JKAMP: variants seen among roughly 807,000 people sequenced by gnomAD.
JKAMP encodes the protein JNK1/MAPK8 associated membrane protein.
JKAMP carries 20 observed loss-of-function variants against 40.2 expected under a neutral mutation model. The observed-to-expected ratio is 0.50, with a 90% CI of 0.35 to 0.72. The LOEUF (loss-of-function observed/expected upper bound fraction) is 0.72. Among genes scored for constraint, JKAMP ranks in the 30% least tolerant of loss-of-function variants. The pLI is 0.01. For missense variants in JKAMP, 276 were observed against 373.0 expected (o/e 0.74, Z 2.14); for synonymous variants, 138 against 131.6 (o/e 1.05, Z -0.33).
At chr14:59,487,977 A>T in intron 3 of JKAMP, 149 bp downstream of exon 3, 1 of 767,828 alleles carries the variant, frequency 1.3e-6, no homozygotes, top group South Asian at 1.8e-5. Context: ...CTGTGACAAG[A>T]AAACTTAACA....
intron 3 of JKAMP, among the ~76,000 whole-genome samples, chr14:59,494,121 G>GGTGTGTGTGTGTGTGT (rs55831018): frequency 1.3e-5 from 2 of 150,964 alleles, no homozygotes; most frequent in African/African-American, 4.9e-5. Flanking sequence ...AGAAAATTTG[G>GGTGTGTGTGTGTGTGT]GTGTGTGTGT....
rs1362445752 is a variant in JKAMP, at chr14:59,505,152, A to G, written c.*1080A>G. 1.7e-6 allele frequency: 1 copy of G among 588,138 alleles called. No individual in the cohort carries two copies. Among genetic ancestry groups the G allele is most frequent in the Non-Finnish European group, 2.8e-6 (1 of 359,314 alleles). The allele number at this position is 588,138 out of a possible 1,614,324, so 36.4% of individuals were successfully genotyped here. ...TAAATTTTAAATGTTTAAGACTTCTATTAACAGCTGCAAAATATGAAAGTA... is the reference window on the plus strand; with the variant it reads ...TAAATTTTAAATGTTTAAGACTTCTGTTAACAGCTGCAAAATATGAAAGTA... On this transcript the variant is annotated 3_prime_UTR_variant, in exon 7 of 7. Transcript: ENST00000616435.
chr14:59,498,180 T>G (rs1192028260), intron 4 of JKAMP, among the ~76,000 whole-genome samples: 1 of 152,238 alleles, frequency 6.6e-6, no homozygotes, highest in Non-Finnish European at 1.5e-5. Flanking sequence ...TTTCTGCATG[T>G]GTATGCATTT....
intron 1 of JKAMP, chr14:59,485,021 G>T: frequency 6.3e-7 from 1 of 1,597,294 alleles, no homozygotes; most frequent in African/African-American, 1.3e-5. Context: ...GGGCAGGACC[G>T]CTGCAAAAAA....
At position 59,484,577 on chromosome 14, in the gene JKAMP, C is replaced by A; in HGVS notation, c.-13C>A. 2 of 1,574,878 alleles carry A rather than the reference C, an allele frequency of 1.3e-6. No homozygotes were observed. The highest frequency in any genetic ancestry group is 1.7e-6 in the Non-Finnish European group (2 of 1,160,440). Reference sequence around the variant, plus strand: ...TGATCTAGTGCTTCTCGAAAAAAACCTTCAGGCGGCCCATGGGTGAGTGGT... The same window carrying A: ...TGATCTAGTGCTTCTCGAAAAAAACATTCAGGCGGCCCATGGGTGAGTGGT... On this transcript the variant is annotated 5_prime_UTR_variant, in exon 1 of 7. Transcript: ENST00000616435.
At chr14:59,484,712 C>G (rs1022066466) in intron 1 of JKAMP, 119 bp downstream of exon 1, 12 of 1,282,354 alleles carry the variant, frequency 9.4e-6, no homozygotes, top group Non-Finnish European at 1.3e-5. Context: ...AGGCTCGCCC[C>G]TTGACCCCGC....
chr14:59,486,181 C>A (rs1176110136), intron 1 of JKAMP, among the ~76,000 whole-genome samples: 1 of 152,080 alleles, frequency 6.6e-6, no homozygotes, highest in African/African-American at 2.4e-5. Context: ...AAAGCTAGGA[C>A]AATGTAGGAA....
At chr14:59,489,916 ATTTATCTTTTCGTTTTTATTTT>A (rs1890863142) in intron 3 of JKAMP, among the ~76,000 whole-genome samples, 2 of 151,550 alleles carry the variant, frequency 1.3e-5, no homozygotes, top group South Asian at 4.2e-4. Context: ...TTATTTTTTA[ATTTATCTTTTCGTTTTTATTTT>A]TCGAGACAAT....
chr14:59,502,681 T>C (rs1175683692), intron 6 of JKAMP, among the ~76,000 whole-genome samples: 2 of 151,888 alleles, frequency 1.3e-5, no homozygotes, highest in African/African-American at 4.8e-5. Flanking sequence ...GTTTTGGCGC[T>C]TTTATCAACT....
chr14:59,493,227 A>G (rs866558695), intron 3 of JKAMP, among the ~76,000 whole-genome samples: 1 of 152,230 alleles, frequency 6.6e-6, no homozygotes, highest in East Asian at 1.9e-4. Flanking sequence ...TGCATGCATC[A>G]TAATTAAACT....
At chr14:59,485,517 C>CT (rs1890482789) in intron 1 of JKAMP, 1 of 165,192 alleles carries the variant, frequency 6.1e-6, no homozygotes, top group Admixed American at 6.4e-5. Context: ...AGAGAAGGCA[C>CT]TGTAGACCAG....
chr14:59,496,994 T>TA (rs1351698563), intron 4 of JKAMP, among the ~76,000 whole-genome samples: 3 of 147,562 alleles, frequency 2.0e-5, no homozygotes, highest in African/African-American at 7.6e-5. Flanking sequence ...CAAGTCATAG[T>TA]AATTTTTTTT....
intron 6 of JKAMP, among the ~76,000 whole-genome samples, chr14:59,502,773 T>TG (rs796697193): frequency 0.59 from 59,997 of 102,398 alleles, 19,357 homozygotes; most frequent in East Asian, 0.77. Context: ...TTTTTTTTTT[T>TG]CGGAGTCTCA....
chr14:59,490,977 T>C (rs772247728), intron 3 of JKAMP, among the ~76,000 whole-genome samples: 1 of 152,144 alleles, frequency 6.6e-6, no homozygotes, highest in Non-Finnish European at 1.5e-5. Flanking sequence ...TGACTAATGC[T>C]CAGACAGGAA....
intron 1 of JKAMP, 84 bp downstream of exon 1, chr14:59,484,677 G>A (rs1439535892): frequency 6.7e-7 from 1 of 1,494,936 alleles, no homozygotes; most frequent in African/African-American, 1.4e-5. Context: ...TCGGCTCTTT[G>A]TAGGCGGCCT....
intron 3 of JKAMP, 121 bp from the exon 4 acceptor site, chr14:59,494,897 G>A (rs1891322687): frequency 3.0e-6 from 2 of 673,380 alleles, no homozygotes; most frequent in South Asian, 1.9e-5. Flanking sequence ...GGTTATACTC[G>A]AGTAGTTTTT....
chr14:59,498,802 G>A lies in JKAMP; in HGVS notation c.534G>A (p.Lys178=), dbSNP rs1891638050. 4.3e-6 allele frequency: 7 copies of A among 1,610,236 alleles called. No individual in the cohort carries two copies. The highest frequency in any genetic ancestry group is 5.1e-6 in the Non-Finnish European group (6 of 1,176,970). Residue 178 remains lysine, a synonymous_variant, in exon 5 of 7, where the codon AAG becomes AAA. Transcript: ENST00000616435. Reference sequence around the variant, plus strand: ...TGCTCCGACCTCTTCTGGTGAAGAAGATTGCATGTGGGTTAGGGAAATCTG... The same window carrying A: ...TGCTCCGACCTCTTCTGGTGAAGAAAATTGCATGTGGGTTAGGGAAATCTG... ...MMLLRPLLVK[K]IACGLGKSDR...
rs1227332044 is a variant in JKAMP at position 59,505,212 on chromosome 14, T to C, written c.*1140T>C. On this transcript the variant is annotated 3_prime_UTR_variant, in exon 7 of 7. Transcript: ENST00000616435. ...ACTTTTCCTGTAGTAGTCTGTCTTT[T>C]GAATTCACAGCAGTTGTATCCTTGA... 3 of 1,271,456 alleles carry C rather than the reference T, an allele frequency of 2.4e-6. No homozygotes were observed. The highest frequency in any genetic ancestry group is 1.5e-5 in the African/African-American group (1 of 66,564). 78.8% of individuals were successfully genotyped at this position (1,271,456 alleles called of 1,614,324 possible).
At chr14:59,494,737 T>C (rs938563205) in intron 3 of JKAMP, among the ~76,000 whole-genome samples, 1 of 152,168 alleles carries the variant, frequency 6.6e-6, no homozygotes, top group African/African-American at 2.4e-5. Context: ...TATGTGCATA[T>C]TAAGATTAAA....
Sources: gnomAD v4.1 joint callset for allele counts (sites outside exome capture counted in the v4.1 genomes callset) on GRCh38, gnomAD v4.1.1 for gene constraint, MANE v1.5 for transcripts, NCBI Gene and HGNC (gene_info 2026-07-23, HGNC 2026-07-21) for gene names.